FAT4: variants seen among roughly 807,000 people sequenced by gnomAD.
The protein encoded by FAT4 is FAT atypical cadherin 4, also known as protocadherin Fat 4.
A neutral mutation model predicts 303.9 loss-of-function variants in FAT4; 84 were observed. That is an observed-to-expected ratio of 0.28 (90% CI 0.23 to 0.33). FAT4 has a LOEUF of 0.33. FAT4 is among the 10% of genes least tolerant of loss of function. The pLI, the probability that FAT4 is intolerant of heterozygous loss-of-function variation, is 1.00. For missense variants in FAT4, 6,005 were observed against 6,146.8 expected, an observed-to-expected ratio of 0.98 and a Z score of 0.77; for synonymous variants, 2,307 against 2,298.8, an observed-to-expected ratio of 1.00 and a Z score of -0.10.
intron 17 of FAT4, among the ~76,000 whole-genome samples, chr4:125,488,144 G>A (rs1727476724): frequency 6.6e-6 from 1 of 152,198 alleles, no homozygotes; most frequent in African/African-American, 2.4e-5. Flanking sequence ...TCTGAATGAT[G>A]AGGAGGATGA....
chr4:125,465,232 C>T (rs987845399), intron 11 of FAT4, among the ~76,000 whole-genome samples: 3 of 152,060 alleles, frequency 2.0e-5, no homozygotes, highest in African/African-American at 7.2e-5. Flanking sequence ...TCACAGAACC[C>T]CTTTTTATAC....
chr4:125,485,696 A>G (rs1727384862), intron 16 of FAT4, among the ~76,000 whole-genome samples: 1 of 152,246 alleles, frequency 6.6e-6, no homozygotes, highest in African/African-American at 2.4e-5. Context: ...ATGATTAAAA[A>G]AACGGTGTAG....
chr4:125,325,279 G>A (rs116103199), intron 2 of FAT4, among the ~76,000 whole-genome samples: 7,067 of 152,060 alleles, frequency 0.046, 224 homozygotes, highest in Non-Finnish European at 0.067. Flanking sequence ...ATCAGGCATT[G>A]ATCATTTCAA....
intron 2 of FAT4, among the ~76,000 whole-genome samples, chr4:125,354,771 G>T (rs1285087508): frequency 6.9e-6 from 1 of 145,814 alleles, no homozygotes; most frequent in Non-Finnish European, 1.5e-5. Context: ...AAAAAAAACT[G>T]GTTAGAACAG....
At chr4:125,379,243 A>T (rs529138584) in intron 2 of FAT4, among the ~76,000 whole-genome samples, 2 of 151,904 alleles carry the variant, frequency 1.3e-5, no homozygotes, top group East Asian at 3.9e-4. Flanking sequence ...ACAATCTTTT[A>T]AAAAGTTTTT....
intron 2 of FAT4, among the ~76,000 whole-genome samples, chr4:125,371,232 T>G (rs983102974): frequency 2.6e-5 from 4 of 151,886 alleles, no homozygotes; most frequent in African/African-American, 9.7e-5. Context: ...ACTTAAAAAT[T>G]TCTACATATC....
chr4:125,435,096 C>A (rs1286565413), intron 8 of FAT4, among the ~76,000 whole-genome samples: 3 of 152,166 alleles, frequency 2.0e-5, no homozygotes, highest in Admixed American at 6.5e-5. Flanking sequence ...TATTCCACTA[C>A]TAGCTCTAAT....
rs1726030803 is a variant in FAT4, at chr4:125,450,737, T to C, written c.9727T>C (p.Phe3243Leu). ...TGTACAGTCATCTGACAGTGACCTC[T>C]TTGTCATTGACCCTAACACAGGAGT... ...YTVQSSDSDL[F>L]VIDPNTGVIT... The change falls in exon 10 of 18, where the codon TTT becomes CTT. Residue 3243 changes from phenylalanine (F) to leucine (L), a missense_variant. Coordinates refer to ENST00000394329, the MANE Select transcript of FAT4 (RefSeq NM_001291303.3). The C allele has an allele frequency of 2.5e-6, 4 of 1,614,134 alleles. No homozygotes were observed. Among genetic ancestry groups the C allele is most frequent in the Non-Finnish European group, 3.4e-6 (4 of 1,180,004 alleles).
In FAT4 at chr4:125,449,834, G is replaced by A; in HGVS notation, c.8824G>A (p.Gly2942Ser). The A allele has an allele frequency of 6.2e-7, 1 of 1,613,852 alleles. No individual in the cohort carries two copies. Among genetic ancestry groups the A allele is most frequent in the Non-Finnish European group, 8.5e-7 (1 of 1,179,892 alleles). The part of the protein sequence containing the change: ...KQILKYQNVT[G>S]FSNVNINRHS... ...GATCTTAAAATACCAAAATGTCACTGGCTTCAGTAATGTGAATATCAACAG... is the reference window on the plus strand; with the variant it reads ...GATCTTAAAATACCAAAATGTCACTAGCTTCAGTAATGTGAATATCAACAG... The change falls in exon 10 of 18, where the codon GGC becomes AGC. Residue 2942 changes from glycine to serine, a missense_variant. Transcript: ENST00000394329.
intron 16 of FAT4, among the ~76,000 whole-genome samples, chr4:125,486,026 A>G (rs569620787): frequency 6.6e-6 from 1 of 152,180 alleles, no homozygotes; most frequent in Non-Finnish European, 1.5e-5. Context: ...GGGAACTTAT[A>G]TTCTTATCCA....
intron 2 of FAT4, among the ~76,000 whole-genome samples, chr4:125,351,594 T>G (rs1732227572): frequency 6.6e-6 from 1 of 151,808 alleles, no homozygotes. Context: ...CAAGAGTTCT[T>G]GTTCATACCA....
chr4:125,329,850 A>G (rs1322866725), intron 2 of FAT4, among the ~76,000 whole-genome samples: 1 of 152,178 alleles, frequency 6.6e-6, no homozygotes, highest in Non-Finnish European at 1.5e-5. Flanking sequence ...TCTTAGCGTT[A>G]TCTTTGACTC....
intron 15 of FAT4, 94 bp downstream of exon 15, chr4:125,479,959 C>T: frequency 3.1e-6 from 3 of 959,262 alleles, no homozygotes; most frequent in Non-Finnish European, 4.2e-6. Context: ...AAAAATTATG[C>T]TTTCATTCTA....
chr4:125,450,938 T>C lies in FAT4; in HGVS notation c.9928T>C (p.Ser3310Pro). The C allele has an allele frequency of 6.2e-7, 1 of 1,614,156 alleles. No homozygotes were observed. Among genetic ancestry groups the C allele is most frequent in the Non-Finnish European group, 8.5e-7 (1 of 1,180,008 alleles). ...FVSKLYYFEISEAAPKGTIVG... is the reference protein window; with the variant it reads ...FVSKLYYFEIPEAAPKGTIVG... ...TTCCAAACTTTACTATTTTGAAATCTCAGAAGCAGCTCCTAAAGGTACTAT... is the reference window on the plus strand; with the variant it reads ...TTCCAAACTTTACTATTTTGAAATCCCAGAAGCAGCTCCTAAAGGTACTAT... Residue 3310 changes from serine to proline, a missense_variant, in exon 10 of 18, where the codon TCA becomes CCA. By Grantham distance (74) the Ser-to-Pro change is moderately conservative. Transcript: ENST00000394329.
At position 125,479,754 on chromosome 4, in the gene FAT4, G is replaced by A; in HGVS notation, c.12493G>A (p.Glu4165Lys). The change falls in exon 15 of 18, where the codon GAA becomes AAA. Residue 4165 changes from glutamate to lysine, a missense_variant. Physicochemically the swap from Glu to Lys is moderately conservative, Grantham distance 56. Coordinates refer to ENST00000394329, the MANE Select transcript of FAT4 (RefSeq NM_001291303.3). ...QGILDQCPRL[E>K]GACTRSPCQH... Reference sequence around the variant, plus strand: ...GATTTATTTTAGATGCCCTAGGCTGGAAGGCGCTTGTACTCGCAGCCCATG... The same window carrying A: ...GATTTATTTTAGATGCCCTAGGCTGAAAGGCGCTTGTACTCGCAGCCCATG... 6.3e-7 allele frequency: 1 copy of A among 1,593,032 alleles called. No homozygotes were observed. The highest frequency in any genetic ancestry group is 8.6e-7 in the Non-Finnish European group (1 of 1,165,088).
At chr4:125,478,156 A>G (rs896024670) in intron 14 of FAT4, among the ~76,000 whole-genome samples, 1 of 152,238 alleles carries the variant, frequency 6.6e-6, no homozygotes, top group African/African-American at 2.4e-5. Context: ...CAGAAATAAA[A>G]CTATTAAAGG....
intron 12 of FAT4, among the ~76,000 whole-genome samples, chr4:125,475,250 ACAATAG>A (rs151296437): frequency 0.04 from 6,018 of 152,162 alleles, 183 homozygotes; most frequent in African/African-American, 0.089. Context: ...GAGGTGTATC[ACAATAG>A]CATTGGAGAT....
At chr4:125,334,411 C>T (rs1731496417) in intron 2 of FAT4, among the ~76,000 whole-genome samples, 2 of 152,126 alleles carry the variant, frequency 1.3e-5, no homozygotes, top group South Asian at 4.1e-4. Context: ...GATCCACCAA[C>T]AGCTATAACC....
rs1726750380 is a variant in FAT4 at position 125,468,580 on chromosome 4, A to G, written c.11974A>G (p.Ser3992Gly). 1 of 1,614,116 alleles carries G rather than the reference A, an allele frequency of 6.2e-7. No individual in the cohort carries two copies. The highest frequency in any genetic ancestry group is 1.3e-5 in the African/African-American group (1 of 75,072). Residue 3992 changes from serine (S) to glycine (G), a missense_variant, in exon 12 of 18, where the codon AGC (serine) becomes GGC (glycine). Coordinates refer to ENST00000394329, the MANE Select transcript of FAT4 (RefSeq NM_001291303.3). ...GGAGTTATCATACATGGAATTTCCAAGCTTGGACCCCAATAACAACTATAT... is the reference window on the plus strand; with the variant it reads ...GGAGTTATCATACATGGAATTTCCAGGCTTGGACCCCAATAACAACTATAT... ...FEELSYMEFP[S>G]LDPNNNYIYV... is the part of the protein sequence containing the mutation.
Sources: gnomAD v4.1 joint callset for allele counts (sites outside exome capture counted in the v4.1 genomes callset) on GRCh38, gnomAD v4.1.1 for gene constraint, MANE v1.5 for transcripts, NCBI Gene and HGNC (gene_info 2026-07-23, HGNC 2026-07-21) for gene names.